Variants in ADAMTSL1 observed in about 807,000 individuals in gnomAD.
The protein encoded by ADAMTSL1 is ADAMTS like 1, also known as ADAMTS-like protein 1.
ADAMTSL1 carries 126 observed loss-of-function variants against 201.8 expected under a neutral mutation model. That is an observed-to-expected ratio of 0.62 (90% CI 0.54 to 0.72). ADAMTSL1 has a LOEUF of 0.72. Among genes scored for constraint, ADAMTSL1 ranks in the 30% least tolerant of loss-of-function variants. The probability of loss-of-function intolerance (pLI) is 0.00; values close to 1 mark genes in which losing one functional copy is unlikely to be tolerated. For missense variants in ADAMTSL1, 2,679 were observed against 2,277.8 expected (o/e 1.18, Z -3.59); for synonymous variants, 1,121 against 903.4 (o/e 1.24, Z -4.32).
chr9:18,707,090 G>A, intron 14 of ADAMTSL1, 42 bp downstream of exon 14: 1 of 1,582,896 alleles, frequency 6.3e-7, no homozygotes, highest in South Asian at 1.2e-5. Flanking sequence ...CCATCTTCTT[G>A]CTCATTTTCT....
At chr9:17,960,311 G>A (rs1377615693) in intron 1 of ADAMTSL1, among the ~76,000 whole-genome samples, 1 of 152,168 alleles carries the variant, frequency 6.6e-6, no homozygotes, top group Admixed American at 6.5e-5. Context: ...TTAGTCACAT[G>A]GATATGTCAG....
chr9:18,663,885 C>T (rs1362061946), intron 9 of ADAMTSL1, among the ~76,000 whole-genome samples: 10 of 152,048 alleles, frequency 6.6e-5, no homozygotes, highest in Non-Finnish European at 1.5e-5. Context: ...TGGCCTATTT[C>T]TTATTACCCA....
chr9:18,411,410 G>C (rs1818438522), intron 2 of ADAMTSL1, among the ~76,000 whole-genome samples: 1 of 151,570 alleles, frequency 6.6e-6, no homozygotes, highest in Non-Finnish European at 1.5e-5. Flanking sequence ...TGTTGCCCAG[G>C]CTGGTCTCAA....
intron 26 of ADAMTSL1, among the ~76,000 whole-genome samples, chr9:18,902,192 C>T (rs10756996): frequency 6.6e-6 from 1 of 151,930 alleles, no homozygotes; most frequent in Non-Finnish European, 1.5e-5. Flanking sequence ...TTTCAACAAT[C>T]GATAGGACAA....
intron 3 of ADAMTSL1, among the ~76,000 whole-genome samples, chr9:18,559,259 A>T (rs1173099159): frequency 1.3e-5 from 2 of 152,218 alleles, no homozygotes. Flanking sequence ...TTTATTAAAT[A>T]GGGAACCCTT....
intron 1 of ADAMTSL1, among the ~76,000 whole-genome samples, chr9:17,907,755 C>G (rs1352486262): frequency 1.3e-5 from 2 of 152,172 alleles, no homozygotes; most frequent in East Asian, 3.9e-4. Context: ...AGGGTCGAGT[C>G]AAACTCAGAA....
In ADAMTSL1 at chr9:18,497,063, A is replaced by G. The variant is rs1049468689; in HGVS notation, c.64-7766A>G. Among the ~76,000 whole-genome samples the G allele has an allele frequency of 4.6e-5, 7 of 152,180 alleles. No homozygotes were observed. In the East Asian group the frequency reaches 7.7e-4, roughly 17 times the overall value. The stretch of plus-strand genomic sequence containing the variant: ...CTGTTTTCCTTGGTGTTGGGCCTAC[A>G]TATTATTTTCCACTGGAGATTGGTT... On this transcript the variant is annotated intron_variant, in intron 1 of 28. Coordinates refer to ENST00000380548, the MANE Select transcript of ADAMTSL1 (RefSeq NM_001040272.6).
At chr9:18,036,788 T>C (rs1805730491) in intron 1 of ADAMTSL1, among the ~76,000 whole-genome samples, 1 of 152,232 alleles carries the variant, frequency 6.6e-6, no homozygotes, top group Non-Finnish European at 1.5e-5. Context: ...GACCACATTA[T>C]TGAGATAGGT....
At chr9:18,255,381 T>C (rs1831645019) in intron 2 of ADAMTSL1, among the ~76,000 whole-genome samples, 1 of 152,098 alleles carries the variant, frequency 6.6e-6, no homozygotes, top group African/African-American at 2.4e-5. Flanking sequence ...GAGGCTTTGA[T>C]AGTAAAAACA....
At chr9:18,099,102 G>GTT (rs200227567) in intron 1 of ADAMTSL1, among the ~76,000 whole-genome samples, 112 of 142,592 alleles carry the variant, frequency 7.9e-4, no homozygotes, top group Non-Finnish European at 5.0e-4. Flanking sequence ...TTGACAGCAG[G>GTT]TTTTTTTTTT....
chr9:18,825,455 G>T (rs934593239), intron 21 of ADAMTSL1, among the ~76,000 whole-genome samples: 6 of 152,166 alleles, frequency 3.9e-5, no homozygotes, highest in African/African-American at 1.4e-4. Flanking sequence ...CTTGCTCTGA[G>T]AAGATATGCA....
upstream of ADAMTSL1, among the ~76,000 whole-genome samples, chr9:18,473,143 C>G (rs943996943): frequency 2.0e-5 from 3 of 152,180 alleles, no homozygotes; most frequent in African/African-American, 4.8e-5. Context: ...TGAGGTAAAA[C>G]TCAGTTCAGC....
At chr9:18,384,330 C>G (rs1462877975) in intron 2 of ADAMTSL1, among the ~76,000 whole-genome samples, 1 of 152,084 alleles carries the variant, frequency 6.6e-6, no homozygotes, top group South Asian at 2.1e-4. Context: ...ATCACAAGAA[C>G]AGCAAGAGGG....
At chr9:18,350,361 G>C (rs888373591) in intron 2 of ADAMTSL1, among the ~76,000 whole-genome samples, 2 of 152,070 alleles carry the variant, frequency 1.3e-5, no homozygotes, top group Non-Finnish European at 2.9e-5. Flanking sequence ...TATACCTTGA[G>C]GAATTTGGGC....
In ADAMTSL1 at chr9:18,639,363, A is replaced by G; in HGVS notation, c.786A>G (p.Lys262=). The change falls in exon 7 of 29, where the codon AAA becomes AAG. Residue 262 remains lysine, a synonymous_variant. Coordinates refer to ENST00000380548, the MANE Select transcript of ADAMTSL1 (RefSeq NM_001040272.6). The part of the protein sequence containing the change: ...SSVDFQKFPD[K]EILRMAGPLT... ...TGGACTTCCAGAAATTTCCAGACAA[A>G]GAGATACTGAGAATGGCTGGACCAC... The G allele has an allele frequency of 6.2e-7, 1 of 1,613,044 alleles. No homozygotes were observed. Among genetic ancestry groups the G allele is most frequent in the Non-Finnish European group, 8.5e-7 (1 of 1,179,280 alleles).
chr9:18,821,452 A>G (rs1824205220), intron 21 of ADAMTSL1, among the ~76,000 whole-genome samples: 1 of 152,162 alleles, frequency 6.6e-6, no homozygotes, highest in East Asian at 1.9e-4. Flanking sequence ...GAAGGCTTTT[A>G]AGGGCCACGC....
At chr9:17,978,842 T>C (rs1041624936) in intron 1 of ADAMTSL1, among the ~76,000 whole-genome samples, 2 of 152,176 alleles carry the variant, frequency 1.3e-5, no homozygotes, top group African/African-American at 4.8e-5. Context: ...CCCTTTAGCA[T>C]TTCTCATAAG....
In ADAMTSL1 at chr9:18,399,472, G is replaced by T. The variant is rs552645335; in HGVS notation, c.208-105357G>T. 4.0e-5 allele frequency among the ~76,000 whole-genome samples: 6 copies of T among 150,716 alleles called. 1 individual carries two copies. In the South Asian group the frequency reaches 1.3e-3, roughly 32 times the overall value. On this transcript the variant is annotated intron_variant, in intron 2 of 29. Coordinates refer to the ADAMTSL1 transcript ENST00000680146. ...CTCTTGACTCTCAGCCTCCCAAGTA[G>T]CTGGGATTACAGACGCGTGTCACCA... is the stretch of plus-strand genomic sequence containing the variant.
chr9:18,562,140 GT>G (rs1821547050), intron 3 of ADAMTSL1, among the ~76,000 whole-genome samples: 1 of 152,188 alleles, frequency 6.6e-6, no homozygotes, highest in Admixed American at 6.6e-5. Flanking sequence ...AATTTGGTAT[GT>G]TTTTGCATTG....
Sources: allele counts gnomAD v4.1 joint callset (sites outside exome capture counted in the v4.1 genomes callset), GRCh38; gene constraint gnomAD v4.1.1; transcripts MANE v1.5; gene names NCBI Gene and HGNC (gene_info 2026-07-23, HGNC 2026-07-21).